Variants in CTDSPL observed in about 807,000 individuals in gnomAD.
CTDSPL encodes the protein CTD small phosphatase like.
A neutral mutation model predicts 30.5 loss-of-function variants in CTDSPL; 8 were observed. The ratio of observed to expected loss-of-function variants is 0.26; its 90% CI spans 0.15 to 0.47. The LOEUF is 0.47. Ranked by LOEUF, CTDSPL falls within the 20% of genes least tolerant of loss-of-function variation. The pLI is 0.99. For missense variants in CTDSPL, 248 were observed against 366.1 expected, an observed-to-expected ratio of 0.68 and a Z score of 2.63; for synonymous variants, 110 against 137.9, an observed-to-expected ratio of 0.80 and a Z score of 1.42.
chr3:37,929,083 A>G (rs528528406), intron 1 of CTDSPL, among the ~76,000 whole-genome samples: 109 of 152,176 alleles, frequency 7.2e-4, no homozygotes, highest in African/African-American at 2.6e-3. Context: ...AGATCATTTG[A>G]CCGTACATGC....
chr3:37,872,133 A>T (rs1253827872), intron 1 of CTDSPL, among the ~76,000 whole-genome samples: 1 of 152,160 alleles, frequency 6.6e-6, no homozygotes, highest in Non-Finnish European at 1.5e-5. Flanking sequence ...CTGCGACTAC[A>T]GGCACATGTT....
At chr3:37,901,348 A>G (rs1698448830) in intron 1 of CTDSPL, among the ~76,000 whole-genome samples, 1 of 152,122 alleles carries the variant, frequency 6.6e-6, no homozygotes, top group Non-Finnish European at 1.5e-5. Flanking sequence ...TGTTCTTCCC[A>G]GGGGGACAGG....
At chr3:37,885,542 G>A (rs1002342606) in intron 1 of CTDSPL, among the ~76,000 whole-genome samples, 1 of 152,136 alleles carries the variant, frequency 6.6e-6, no homozygotes, top group Non-Finnish European at 1.5e-5. Context: ...GCTACTGTGG[G>A]GTAGCAGGAA....
intron 1 of CTDSPL, among the ~76,000 whole-genome samples, chr3:37,901,599 A>G (rs529927681): frequency 2.0e-5 from 3 of 152,336 alleles, no homozygotes; most frequent in East Asian, 3.9e-4. Context: ...TTGTGCATTT[A>G]CTATGATATG....
At chr3:37,903,905 C>G (rs1329081095) in intron 1 of CTDSPL, among the ~76,000 whole-genome samples, 8 of 152,228 alleles carry the variant, frequency 5.3e-5, no homozygotes. Flanking sequence ...ACCAGGCCAG[C>G]CTTTACTGCC....
At chr3:37,911,752 C>A (rs940508056) in intron 1 of CTDSPL, 2 of 456,282 alleles carry the variant, frequency 4.4e-6, no homozygotes, top group Admixed American at 4.7e-5. Flanking sequence ...GCAGGTGTAA[C>A]CCTCGCTAAA....
At position 37,982,366 on chromosome 3, in the gene CTDSPL, G is replaced by A; in HGVS notation, c.*1499G>A. ...CAGTTTGGTGTTTAAGCAGTGCCAT[G>A]TTCCTTGTTTGACAACAAGACAGTC... On this transcript the variant is annotated 3_prime_UTR_variant, in exon 8 of 8. Coordinates refer to ENST00000273179, the MANE Select transcript of CTDSPL (RefSeq NM_001008392.2). 2.8e-6 allele frequency: 1 copy of A among 362,520 alleles called. No individual in the cohort carries two copies. The highest frequency in any genetic ancestry group is 2.1e-5 in the South Asian group (1 of 48,060). The allele number at this position is 362,520 out of a possible 1,614,324, so 22.5% of individuals were successfully genotyped here. A position where few individuals can be genotyped will look rare whatever the true frequency, so the allele number is the denominator to read the frequency against.
chr3:37,949,050 G>T (rs1018611077), intron 2 of CTDSPL, among the ~76,000 whole-genome samples: 42 of 151,742 alleles, frequency 2.8e-4, no homozygotes, highest in Non-Finnish European at 3.8e-4. Flanking sequence ...TCGATCTCCT[G>T]ACCTCATGAT....
chr3:37,866,235 A>G (rs1698007711), intron 1 of CTDSPL, among the ~76,000 whole-genome samples: 1 of 152,264 alleles, frequency 6.6e-6, no homozygotes, highest in Admixed American at 6.5e-5. Flanking sequence ...TTAAATCTAA[A>G]CATACAGATA....
rs1003680102 is a variant in CTDSPL, at chr3:37,981,875, C to T, written c.*1008C>T. 6 of 457,178 alleles carry T rather than the reference C, an allele frequency of 1.3e-5. No individual in the cohort carries two copies. The highest frequency in any genetic ancestry group is 2.2e-5 in the Non-Finnish European group (5 of 227,098). The allele number at this position is 457,178 out of a possible 1,614,324, so 28.3% of individuals were successfully genotyped here. On this transcript the variant is annotated 3_prime_UTR_variant, in exon 8 of 8. Coordinates refer to ENST00000273179, the MANE Select transcript of CTDSPL (RefSeq NM_001008392.2). ...AATTTTCCTTGCTGCTACCGCGCTG[C>T]CACCAAATGGAATTGACCAGCGGCT...
chr3:37,969,472 C>T (rs771522629), intron 5 of CTDSPL: 17 of 505,510 alleles, frequency 3.4e-5, no homozygotes, highest in East Asian at 1.2e-4. Flanking sequence ...GTTACTTGCA[C>T]GGGGACGCGG....
chr3:37,938,927 C>T (rs984237029), intron 1 of CTDSPL, among the ~76,000 whole-genome samples: 3 of 149,842 alleles, frequency 2.0e-5, no homozygotes, highest in Non-Finnish European at 4.5e-5. Flanking sequence ...TTGTTTTAAG[C>T]CCCACATGTG....
intron 7 of CTDSPL, among the ~76,000 whole-genome samples, chr3:37,977,261 G>A (rs1246540334): frequency 1.3e-5 from 2 of 150,928 alleles, no homozygotes; most frequent in Admixed American, 1.3e-4. Context: ...TATCCAGACT[G>A]TGTTCATATT....
chr3:37,927,978 T>C (rs1698804892), intron 1 of CTDSPL, among the ~76,000 whole-genome samples: 1 of 152,180 alleles, frequency 6.6e-6, no homozygotes, highest in African/African-American at 2.4e-5. Context: ...CTTTGTATAA[T>C]ATCCTTTATC....
At chr3:37,923,718 C>T (rs1182411383) in intron 1 of CTDSPL, among the ~76,000 whole-genome samples, 1 of 151,816 alleles carries the variant, frequency 6.6e-6, no homozygotes, top group Non-Finnish European at 1.5e-5. Context: ...GACATTTTAA[C>T]GTGCATATTT....
Position 37,928,589 on chromosome 3 carries a change from T to C in CTDSPL, c.80-18468T>C, listed in dbSNP as rs142921026. ...TTTATTTTTTCTGTACTTCAGTGGT[T>C]GCAAATGACCGTTTTTTAATCAGGT... On this transcript the variant is annotated intron_variant, in intron 1 of 7. Transcript: ENST00000273179. 2.4e-3 allele frequency among the ~76,000 whole-genome samples: 368 copies of C among 152,332 alleles called. 4 individuals are homozygous for C. The highest frequency in any genetic ancestry group is 9.4e-4 in the Non-Finnish European group (64 of 68,022).
In CTDSPL at chr3:37,900,884, C is replaced by T. The variant is rs567205625; in HGVS notation, c.79+38606C>T. Among the ~76,000 whole-genome samples, 3 of 152,244 alleles carry T rather than the reference C, an allele frequency of 2.0e-5. No homozygotes were observed. In the East Asian group the frequency reaches 5.8e-4, roughly 29 times the overall value. ...CACAATCTCGGCTTACTGCAACCTCCGTCTCCCAATTCAAGCAATTCTCCT... is the reference window on the plus strand; with the variant it reads ...CACAATCTCGGCTTACTGCAACCTCTGTCTCCCAATTCAAGCAATTCTCCT... On this transcript the variant is annotated intron_variant, in intron 1 of 7. Coordinates refer to ENST00000273179, the MANE Select transcript of CTDSPL (RefSeq NM_001008392.2).
chr3:37,864,465 C>G (rs1279489383), intron 1 of CTDSPL, among the ~76,000 whole-genome samples: 2 of 151,992 alleles, frequency 1.3e-5, no homozygotes, highest in African/African-American at 2.4e-5. Flanking sequence ...GTTTGTTAAC[C>G]GATTAGAGGA....
Position 37,983,812 on chromosome 3 carries a change from T to C in CTDSPL, c.*2945T>C. 1 of 171,484 alleles carries C rather than the reference T, an allele frequency of 5.8e-6. No homozygotes were observed. The highest frequency in any genetic ancestry group is 1.4e-4 in the South Asian group (1 of 6,934). The allele number at this position is 171,484 out of a possible 1,614,324, so 10.6% of individuals were successfully genotyped here. A position where few individuals can be genotyped will look rare whatever the true frequency, so the allele number is the denominator to read the frequency against. ...CATTAGCTGTTTGTAAATAATGCAT[T>C]TGCATACTGAAAAAGGAATGCCACC... On this transcript the variant is annotated 3_prime_UTR_variant, in exon 8 of 8. Coordinates refer to ENST00000273179, the MANE Select transcript of CTDSPL (RefSeq NM_001008392.2).
Sources: allele counts gnomAD v4.1 joint callset (sites outside exome capture counted in the v4.1 genomes callset), GRCh38; gene constraint gnomAD v4.1.1; transcripts MANE v1.5; gene names NCBI Gene and HGNC (gene_info 2026-07-23, HGNC 2026-07-21).